Variants in SGCZ observed in about 807,000 individuals in gnomAD.
SGCZ encodes zeta-sarcoglycan.
In SGCZ, 40 loss-of-function variants were observed where a neutral mutation model predicts 41.3. That is an observed-to-expected ratio of 0.97 (90% confidence interval 0.75 to 1.26). SGCZ has a LOEUF of 1.26. Ranked by LOEUF, SGCZ falls within the 50% of genes most tolerant of loss-of-function variation. SGCZ has a pLI of 0.00. For missense variants in SGCZ, 552 were observed against 369.8 expected (o/e 1.49, Z -4.04); for synonymous variants, 206 against 137.5 (o/e 1.50, Z -3.49).
chr8:14,240,007 T>A (rs1484699361), intron 3 of SGCZ, among the ~76,000 whole-genome samples: 1 of 151,270 alleles, frequency 6.6e-6, no homozygotes, highest in Non-Finnish European at 1.5e-5. Context: ...GTTTACTTAA[T>A]TTAAAAGAGA....
At chr8:14,379,813 C>A (rs896813565) in intron 2 of SGCZ, among the ~76,000 whole-genome samples, 5 of 152,036 alleles carry the variant, frequency 3.3e-5, no homozygotes, top group Admixed American at 6.6e-5. Flanking sequence ...CACACTGCAG[C>A]CTCCACCTCC....
chr8:14,712,968 C>T (rs1809570944), intron 1 of SGCZ, among the ~76,000 whole-genome samples: 1 of 152,026 alleles, frequency 6.6e-6, no homozygotes, highest in Non-Finnish European at 1.5e-5. Flanking sequence ...ATGTTCTCCT[C>T]AAGACTAGGA....
intron 2 of SGCZ, among the ~76,000 whole-genome samples, chr8:14,357,829 A>G (rs1470605336): frequency 6.6e-6 from 1 of 152,148 alleles, no homozygotes; most frequent in Non-Finnish European, 1.5e-5. Context: ...AGAAACTGGT[A>G]TTTTCTTGCT....
At chr8:14,362,719 C>A (rs1291125772) in intron 2 of SGCZ, among the ~76,000 whole-genome samples, 3 of 152,092 alleles carry the variant, frequency 2.0e-5, no homozygotes, top group South Asian at 4.1e-4. Context: ...CCAACCAGTC[C>A]CAGTGAGGTG....
chr8:14,952,216 A>C (rs1800662841), intron 1 of SGCZ, among the ~76,000 whole-genome samples: 1 of 152,130 alleles, frequency 6.6e-6, no homozygotes. Flanking sequence ...CTGTTTTGTT[A>C]TGTCACCAAG....
At chr8:14,203,620 T>C (rs1326001863) in intron 4 of SGCZ, among the ~76,000 whole-genome samples, 2 of 152,150 alleles carry the variant, frequency 1.3e-5, no homozygotes, top group Non-Finnish European at 2.9e-5. Flanking sequence ...AATGGAAGTG[T>C]TTGAATGAAG....
At position 14,300,409 on chromosome 8, in the gene SGCZ, A is replaced by G. The variant is rs533977146; in HGVS notation, c.336+23694T>C. Reference sequence around the variant, plus strand: ...GAATGAGGAAGGGAAGAATTTAGGTAGGTAAAGAGAGGTAAATAAAGCTTG... The same window carrying G: ...GAATGAGGAAGGGAAGAATTTAGGTGGGTAAAGAGAGGTAAATAAAGCTTG... On this transcript the variant is annotated intron_variant, in intron 3 of 7. Coordinates refer to ENST00000382080, the MANE Select transcript of SGCZ (RefSeq NM_139167.4). Among the ~76,000 whole-genome samples, 34 of 151,690 alleles carry G rather than the reference A, an allele frequency of 2.2e-4. 1 individual carries two copies. The highest frequency in any genetic ancestry group is 7.7e-4 in the African/African-American group (32 of 41,442).
At chr8:14,874,769 CAT>C (rs1563331097) in intron 1 of SGCZ, among the ~76,000 whole-genome samples, 2 of 152,080 alleles carry the variant, frequency 1.3e-5, no homozygotes, top group Admixed American at 6.6e-5. Flanking sequence ...AAAAAAGACA[CAT>C]GTCTTGTGTT....
chr8:14,149,884 G>A (rs1803645921), intron 5 of SGCZ, among the ~76,000 whole-genome samples: 1 of 151,858 alleles, frequency 6.6e-6, no homozygotes, highest in African/African-American at 2.4e-5. Flanking sequence ...ACACTACAGT[G>A]AACTCATTTT....
At chr8:14,315,720 A>G (rs1249922409) in intron 3 of SGCZ, among the ~76,000 whole-genome samples, 1 of 152,052 alleles carries the variant, frequency 6.6e-6, no homozygotes, top group East Asian at 1.9e-4. Flanking sequence ...AGAATACTCA[A>G]GCATTCAATT....
rs556758898 is a variant in SGCZ, at chr8:14,513,343, T to C, written c.234+41389A>G. Among the ~76,000 whole-genome samples, 108 of 152,218 alleles carry C rather than the reference T, an allele frequency of 7.1e-4. 1 individual carries two copies. In the South Asian group the frequency reaches 0.021, roughly 30 times the overall value. Reference sequence around the variant, plus strand: ...ATGAGCCACAGTGCCAAACCACTATTACCAGTTTAAACACGAAAAAGTATT... The same window carrying C: ...ATGAGCCACAGTGCCAAACCACTATCACCAGTTTAAACACGAAAAAGTATT... On this transcript the variant is annotated intron_variant, in intron 2 of 7. Coordinates refer to ENST00000382080, the MANE Select transcript of SGCZ (RefSeq NM_139167.4).
At chr8:15,155,660 G>A (rs775092955) in intron 1 of SGCZ, among the ~76,000 whole-genome samples, 6 of 152,048 alleles carry the variant, frequency 3.9e-5, no homozygotes, top group Non-Finnish European at 8.8e-5. Flanking sequence ...CATGAAGAAC[G>A]CCTATTAAAT....
intron 1 of SGCZ, among the ~76,000 whole-genome samples, chr8:14,792,868 C>T (rs1005201660): frequency 1.3e-5 from 2 of 152,030 alleles, no homozygotes; most frequent in Non-Finnish European, 1.5e-5. Flanking sequence ...GCCTTCTCTT[C>T]GATAGACTCT....
At chr8:14,501,177 G>A (rs1169195751) in intron 2 of SGCZ, among the ~76,000 whole-genome samples, 3 of 151,814 alleles carry the variant, frequency 2.0e-5, no homozygotes. Context: ...TTTTAAGCCA[G>A]GAGTGTAGTA....
chr8:14,873,417 C>A (rs1469658896), intron 1 of SGCZ, among the ~76,000 whole-genome samples: 1 of 151,984 alleles, frequency 6.6e-6, no homozygotes, highest in African/African-American at 2.4e-5. Flanking sequence ...TTTGGAGACT[C>A]TAGAGTCGTA....
At chr8:14,554,441 T>A (rs1352376840) in intron 2 of SGCZ, among the ~76,000 whole-genome samples, 1 of 152,082 alleles carries the variant, frequency 6.6e-6, no homozygotes, top group Non-Finnish European at 1.5e-5. Flanking sequence ...CAGTAAGTAA[T>A]AGTTCATACT....
intron 5 of SGCZ, among the ~76,000 whole-genome samples, chr8:14,125,521 GAA>G (rs1802826129): frequency 6.8e-6 from 1 of 148,098 alleles, no homozygotes; most frequent in African/African-American, 2.5e-5. Flanking sequence ...AAAAAAAGAA[GAA>G]GAATCACTAT....
chr8:14,104,532 T>C (rs1802142046), intron 6 of SGCZ, among the ~76,000 whole-genome samples: 1 of 151,994 alleles, frequency 6.6e-6, no homozygotes, highest in Admixed American at 6.5e-5. Flanking sequence ...AATTATTAAA[T>C]ATTAAGCAGA....
intron 1 of SGCZ, among the ~76,000 whole-genome samples, chr8:14,794,146 T>C (rs557756928): frequency 3.9e-4 from 60 of 152,270 alleles, no homozygotes; most frequent in Admixed American, 1.6e-3. Flanking sequence ...TTGAGCTTTA[T>C]ACCAGCTACA....
Sources: allele counts gnomAD v4.1 joint callset (sites outside exome capture counted in the v4.1 genomes callset), GRCh38; gene constraint gnomAD v4.1.1; transcripts MANE v1.5; gene names NCBI Gene and HGNC (gene_info 2026-07-23, HGNC 2026-07-21).